SLC4A7: variants seen among roughly 807,000 people sequenced by gnomAD.
SLC4A7 encodes the protein sodium bicarbonate cotransporter 3.
In SLC4A7, 51 loss-of-function variants were observed where a neutral mutation model predicts 137.6. That is an observed-to-expected ratio of 0.37 (90% CI 0.30 to 0.47). The LOEUF (loss-of-function observed/expected upper bound fraction) is 0.47, where lower values mean the gene tolerates loss of function less well. Among genes scored for constraint, SLC4A7 ranks in the 20% least tolerant of loss-of-function variants. The pLI, the probability that SLC4A7 is intolerant of heterozygous loss-of-function variation, is 1.00. For synonymous variants in SLC4A7, 542 were observed against 518.6 expected (o/e 1.05, Z -0.61); for missense variants, 1,247 against 1,525.4 (o/e 0.82, Z 3.04).
chr3:27,482,036 G>T (rs1357602218), intron 1 of SLC4A7, among the ~76,000 whole-genome samples: 4 of 152,148 alleles, frequency 2.6e-5, no homozygotes, highest in African/African-American at 9.7e-5. Flanking sequence ...GGGAGGCTGA[G>T]GCCGAAGAAT....
chr3:27,468,284 TA>T (rs777032948), intron 1 of SLC4A7, among the ~76,000 whole-genome samples: 22 of 152,212 alleles, frequency 1.4e-4, no homozygotes, highest in Admixed American at 5.9e-4. Context: ...CAACAGCTAC[TA>T]ATTAATGACA....
intron 8 of SLC4A7, chr3:27,422,856 CAAGG>C (rs1559725519): frequency 2.2e-6 from 1 of 453,696 alleles, no homozygotes; most frequent in Non-Finnish European, 4.4e-6. Flanking sequence ...CAACAGGAGA[CAAGG>C]AAGTATACAC....
intron 7 of SLC4A7, among the ~76,000 whole-genome samples, chr3:27,425,671 T>G (rs971022393): frequency 3.9e-5 from 3 of 76,650 alleles, no homozygotes; most frequent in African/African-American, 1.5e-4. Context: ...AGCAAAACTC[T>G]GTCTCAAAAA....
rs373842710 is a variant in SLC4A7 at position 27,375,461 on chromosome 3, C to T, written c.*1303G>A. The T allele has an allele frequency of 7.8e-4, 119 of 152,460 alleles. No homozygotes were observed. The highest frequency in any genetic ancestry group is 2.8e-3 in the African/African-American group (117 of 41,528). The allele number at this position is 152,460 out of a possible 1,614,324, so 9.4% of individuals were successfully genotyped here. A position where few individuals can be genotyped will look rare whatever the true frequency, so the allele number is the denominator to read the frequency against. Reference sequence around the variant, plus strand: ...AAGATGACTAAAAAGATTTGTTAGACTTTAAAAAGCTCAGAAAAGCAAAAA... The same window carrying T: ...AAGATGACTAAAAAGATTTGTTAGATTTTAAAAAGCTCAGAAAAGCAAAAA... On this transcript the variant is annotated 3_prime_UTR_variant, in exon 26 of 26. Coordinates refer to ENST00000454389, the MANE Select transcript of SLC4A7 (RefSeq NM_001321103.2).
chr3:27,465,953 C>CA (rs869147513), intron 1 of SLC4A7, among the ~76,000 whole-genome samples: 2,161 of 122,336 alleles, frequency 0.018, 36 homozygotes, highest in Admixed American at 0.027. Flanking sequence ...GAGTCCGTCT[C>CA]AAAAAAAAAA....
intron 3 of SLC4A7, among the ~76,000 whole-genome samples, chr3:27,440,783 C>T (rs1437599462): frequency 6.7e-6 from 1 of 149,732 alleles, no homozygotes; most frequent in African/African-American, 2.5e-5. Context: ...GTGGCTCACA[C>T]CTGTAATCCC....
intron 22 of SLC4A7, among the ~76,000 whole-genome samples, chr3:27,388,408 G>T: frequency 6.6e-6 from 1 of 152,240 alleles, no homozygotes; most frequent in East Asian, 1.9e-4. Flanking sequence ...CTTTGGTCTA[G>T]AATAATTCAA....
chr3:27,420,410 G>A (rs2054845416), intron 10 of SLC4A7, among the ~76,000 whole-genome samples: 1 of 151,842 alleles, frequency 6.6e-6, no homozygotes, highest in South Asian at 2.1e-4. Context: ...ATGATATGCT[G>A]AAATCTAGGA....
chr3:27,425,238 C>A (rs965452288), intron 7 of SLC4A7, among the ~76,000 whole-genome samples: 1 of 151,682 alleles, frequency 6.6e-6, no homozygotes, highest in African/African-American at 2.4e-5. Context: ...GGCGTGATGG[C>A]GTGTGCCTGT....
At chr3:27,416,109 C>G (rs1240241939) in intron 11 of SLC4A7, among the ~76,000 whole-genome samples, 1 of 152,166 alleles carries the variant, frequency 6.6e-6, no homozygotes, top group Non-Finnish European at 1.5e-5. Context: ...CAAAAGTTTA[C>G]AGTATTGCAG....
rs2056303101 is a variant in SLC4A7, at chr3:27,431,635, T to G, written c.813A>C (p.Arg271=). 6.3e-7 allele frequency: 1 copy of G among 1,599,094 alleles called. No individual in the cohort carries two copies. The highest frequency in any genetic ancestry group is 1.8e-5 in the Admixed American group (1 of 57,052). Residue 271 remains arginine (R), a synonymous_variant, in exon 7 of 26, where the codon CGA becomes CGC. Transcript: ENST00000454389. ...EGLSASRHSL[R]TGLSASNLSL... ...AAAGGTTTGAGGCAGACAGACCTGT[T>G]CGCAAAGAGTGGCGGGAGGCTGAAA...
rs1174450795 is a variant in SLC4A7, at chr3:27,433,842, TG to T, written c.778+73del. The stretch of plus-strand genomic sequence containing the variant: ...TAGTGAGTGTTTAAATATCCCCAAA[TG>T]TTAATCGTAACATACTGGAAAGCTG... On this transcript the variant is annotated intron_variant, in intron 6 of 25. Coordinates refer to ENST00000454389, the MANE Select transcript of SLC4A7 (RefSeq NM_001321103.2). The T allele has an allele frequency of 3.9e-6, 5 of 1,276,850 alleles. No homozygotes were observed. In the African/African-American group the frequency reaches 7.4e-5, roughly 19 times the overall value. The allele number at this position is 1,276,850 out of a possible 1,614,324, so 79.1% of individuals were successfully genotyped here.
chr3:27,420,823 C>T (rs374911735), intron 9 of SLC4A7, 36 bp from the exon 10 acceptor site: 75 of 1,344,794 alleles, frequency 5.6e-5, no homozygotes, highest in Middle Eastern at 1.8e-4. Context: ...TTAAAATAAA[C>T]ATCATACACC....
rs1399127902 is a variant in SLC4A7 at position 27,374,297 on chromosome 3, TA to T, written c.*2466del. 1 of 152,552 alleles carries T rather than the reference TA, an allele frequency of 6.6e-6. No homozygotes were observed. The highest frequency in any genetic ancestry group is 6.5e-5 in the Admixed American group (1 of 15,282). 9.4% of individuals were successfully genotyped at this position (152,552 alleles called of 1,614,324 possible). On this transcript the variant is annotated 3_prime_UTR_variant, in exon 26 of 26. Coordinates refer to ENST00000454389, the MANE Select transcript of SLC4A7 (RefSeq NM_001321103.2). ...TCTAAAGAAAGTGCAGGGCTGAATT[TA>T]TTTTGTAAATGGAATATGTACAGGT... is the stretch of plus-strand genomic sequence containing the variant.
intron 3 of SLC4A7, among the ~76,000 whole-genome samples, chr3:27,438,993 ATAC>A (rs1392999845): frequency 6.6e-6 from 1 of 152,248 alleles, no homozygotes; most frequent in East Asian, 1.9e-4. Flanking sequence ...ATTAGCATAA[ATAC>A]TAGTCCAGGA....
intron 2 of SLC4A7, among the ~76,000 whole-genome samples, chr3:27,451,432 G>A (rs535795166): frequency 1.3e-5 from 2 of 151,988 alleles, no homozygotes; most frequent in Non-Finnish European, 2.9e-5. Context: ...CAGATATGGT[G>A]CACTGAAAAG....
At chr3:27,427,748 A>G (rs2055800153) in intron 7 of SLC4A7, among the ~76,000 whole-genome samples, 1 of 152,190 alleles carries the variant, frequency 6.6e-6, no homozygotes, top group Admixed American at 6.5e-5. Flanking sequence ...TTTCCTCAGC[A>G]GTTACATACT....
At chr3:27,463,948 G>A (rs957776569) in intron 1 of SLC4A7, among the ~76,000 whole-genome samples, 1 of 152,180 alleles carries the variant, frequency 6.6e-6, no homozygotes, top group Non-Finnish European at 1.5e-5. Flanking sequence ...ACTTTGGGAG[G>A]CCAAGGCGGG....
intron 1 of SLC4A7, among the ~76,000 whole-genome samples, chr3:27,470,878 G>A (rs1288884831): frequency 1.3e-5 from 2 of 152,086 alleles, no homozygotes; most frequent in Non-Finnish European, 2.9e-5. Flanking sequence ...GTAGGCGGAG[G>A]TTGCAATGAG....
Sources: allele counts gnomAD v4.1 joint callset (sites outside exome capture counted in the v4.1 genomes callset), GRCh38; gene constraint gnomAD v4.1.1; transcripts MANE v1.5; gene names NCBI Gene and HGNC (gene_info 2026-07-23, HGNC 2026-07-21).